NTNG1: variants seen among roughly 807,000 people sequenced by gnomAD.
NTNG1 encodes netrin G1.
NTNG1 carries 16 observed loss-of-function variants against 54.0 expected under a neutral mutation model. The observed-to-expected ratio is 0.30, with a 90% CI of 0.20 to 0.45. The LOEUF is 0.45. Among genes scored for constraint, NTNG1 ranks in the 20% least tolerant of loss-of-function variants. The pLI is 1.00. For synonymous variants in NTNG1, 255 were observed against 263.1 expected (o/e 0.97, Z 0.30); for missense variants, 530 against 678.7 (o/e 0.78, Z 2.43).
At chr1:107,200,348 A>G (rs1181120161) in intron 2 of NTNG1, among the ~76,000 whole-genome samples, 1 of 151,944 alleles carries the variant, frequency 6.6e-6, no homozygotes, top group East Asian at 1.9e-4. Flanking sequence ...ACAAAATAAC[A>G]TATTAGTGAT....
At chr1:107,249,363 T>A (rs1662431757) in intron 2 of NTNG1, among the ~76,000 whole-genome samples, 1 of 151,394 alleles carries the variant, frequency 6.6e-6, no homozygotes, top group African/African-American at 2.4e-5. Flanking sequence ...ATGCCTGTAA[T>A]CCCAGCTACT....
chr1:107,249,677 C>T (rs1662457084), intron 2 of NTNG1, among the ~76,000 whole-genome samples: 1 of 152,130 alleles, frequency 6.6e-6, no homozygotes, highest in Admixed American at 6.5e-5. Context: ...TAATAATCCA[C>T]ACTGTATATT....
At chr1:107,351,808 C>T (rs1669617145) in intron 3 of NTNG1, among the ~76,000 whole-genome samples, 3 of 152,202 alleles carry the variant, frequency 2.0e-5, no homozygotes, top group Admixed American at 2.0e-4. Flanking sequence ...GTTCCTTCCA[C>T]CTATCAGTCT....
chr1:107,199,018 T>G (rs1241002955), intron 2 of NTNG1, among the ~76,000 whole-genome samples: 1 of 151,918 alleles, frequency 6.6e-6, no homozygotes, highest in Non-Finnish European at 1.5e-5. Context: ...ATTGCTATTT[T>G]TTTTTTGAAA....
At chr1:107,417,753 A>T (rs182673922) in intron 5 of NTNG1, among the ~76,000 whole-genome samples, 8 of 152,210 alleles carry the variant, frequency 5.3e-5, no homozygotes, top group African/African-American at 1.7e-4. Flanking sequence ...TCATCATAAA[A>T]TAGCTGCTTT....
At chr1:107,261,784 A>C (rs1557852019) in intron 2 of NTNG1, among the ~76,000 whole-genome samples, 1 of 152,204 alleles carries the variant, frequency 6.6e-6, no homozygotes. Flanking sequence ...CGGAGCTTGC[A>C]GTGAGCTGAG....
At chr1:107,310,426 A>G (rs952204210) in intron 2 of NTNG1, among the ~76,000 whole-genome samples, 2 of 152,194 alleles carry the variant, frequency 1.3e-5, no homozygotes, top group African/African-American at 4.8e-5. Flanking sequence ...TGCTTGGCAC[A>G]TGACAGATGC....
At chr1:107,464,781 C>G (rs1347089038) in intron 7 of NTNG1, among the ~76,000 whole-genome samples, 1 of 152,162 alleles carries the variant, frequency 6.6e-6, no homozygotes, top group Non-Finnish European at 1.5e-5. Flanking sequence ...TATGGGAAGT[C>G]CGTGAGATTC....
chr1:107,213,062 G>A (rs1659697757), intron 2 of NTNG1, among the ~76,000 whole-genome samples: 1 of 151,150 alleles, frequency 6.6e-6, no homozygotes, highest in Non-Finnish European at 1.5e-5. Flanking sequence ...ACTGCTACTA[G>A]ATAAAAGTGA....
intron 2 of NTNG1, among the ~76,000 whole-genome samples, chr1:107,166,607 C>G (rs1655815343): frequency 6.6e-6 from 1 of 152,064 alleles, no homozygotes; most frequent in Admixed American, 6.6e-5. Context: ...ATATAAAGAT[C>G]CAATTCAAAA....
chr1:107,461,234 T>C (rs1332884724), intron 7 of NTNG1, among the ~76,000 whole-genome samples: 1 of 152,218 alleles, frequency 6.6e-6, no homozygotes, highest in Non-Finnish European at 1.5e-5. Context: ...CAAAGACCAC[T>C]GTAGACTGAA....
intron 3 of NTNG1, among the ~76,000 whole-genome samples, chr1:107,390,344 A>C (rs1004309706): frequency 1.3e-5 from 2 of 152,210 alleles, no homozygotes; most frequent in African/African-American, 4.8e-5. Context: ...AAGCTAAAAG[A>C]GGCACATTTC....
intron 3 of NTNG1, among the ~76,000 whole-genome samples, chr1:107,388,782 G>A (rs572469648): frequency 6.6e-6 from 1 of 152,266 alleles, no homozygotes; most frequent in South Asian, 2.1e-4. Flanking sequence ...CCCATTTCAA[G>A]TAATGTGTTA....
At position 107,327,382 on chromosome 1, in the gene NTNG1, T is replaced by A. The variant is rs772665677; in HGVS notation, c.887+2460T>A. On this transcript the variant is annotated intron_variant, in intron 3 of 7. Transcript: ENST00000370068. ...TGAAAGGAAATGTTGAGCTATAGTC[T>A]GGTTCAGGGGCCTTTCAGCATAGAA... is the stretch of plus-strand genomic sequence containing the variant. Among the ~76,000 whole-genome samples, 16 of 152,276 alleles carry A rather than the reference T, an allele frequency of 1.1e-4. No homozygotes were observed. The South Asian group carries it at 3.3e-3, about 32-fold the overall frequency.
At chr1:107,388,575 G>A (rs144607834) in intron 3 of NTNG1, among the ~76,000 whole-genome samples, 1 of 152,330 alleles carries the variant, frequency 6.6e-6, no homozygotes, top group East Asian at 1.9e-4. Context: ...TGTGAAAAAT[G>A]CAAAAAGCAA....
At chr1:107,299,685 C>T (rs1345963061) in intron 2 of NTNG1, among the ~76,000 whole-genome samples, 1 of 152,166 alleles carries the variant, frequency 6.6e-6, no homozygotes, top group Admixed American at 6.6e-5. Context: ...GTGTCCAAGC[C>T]TGTCACTACT....
chr1:107,262,999 G>A (rs1388583597), intron 2 of NTNG1, among the ~76,000 whole-genome samples: 1 of 152,156 alleles, frequency 6.6e-6, no homozygotes, highest in East Asian at 1.9e-4. Context: ...TCATTATCTA[G>A]CACAAATAAT....
intron 2 of NTNG1, among the ~76,000 whole-genome samples, chr1:107,221,539 G>A (rs963177824): frequency 2.6e-5 from 4 of 152,154 alleles, no homozygotes; most frequent in Non-Finnish European, 4.4e-5. Flanking sequence ...CTACCAAAAT[G>A]TCAGGAAAGG....
chr1:107,333,527 T>C (rs1005707204), intron 3 of NTNG1, among the ~76,000 whole-genome samples: 6 of 152,008 alleles, frequency 3.9e-5, no homozygotes, highest in African/African-American at 1.4e-4. Flanking sequence ...AGAACTTACT[T>C]AGTCAAAAAA....
Sources: gnomAD v4.1 joint callset for allele counts (sites outside exome capture counted in the v4.1 genomes callset) on GRCh38, gnomAD v4.1.1 for gene constraint, MANE v1.5 for transcripts, NCBI Gene and HGNC (gene_info 2026-07-23, HGNC 2026-07-21) for gene names.